Variants in PAK2 observed in about 807,000 individuals in gnomAD.
PAK2 encodes serine/threonine-protein kinase PAK 2.
PAK2 carries 21 observed loss-of-function variants against 65.9 expected under a neutral mutation model. The observed-to-expected ratio is 0.32, with a 90% confidence interval of 0.23 to 0.46. The LOEUF (loss-of-function observed/expected upper bound fraction) is 0.46. Among genes scored for constraint, PAK2 ranks in the 20% least tolerant of loss-of-function variants. PAK2 has a pLI of 1.00. For synonymous variants in PAK2, 204 were observed against 219.7 expected, an observed-to-expected ratio of 0.93 and a Z score of 0.63; for missense variants, 324 against 642.6, an observed-to-expected ratio of 0.50 and a Z score of 5.36.
At chr3:196,825,502 G>A (rs867959522) in intron 13 of PAK2, among the ~76,000 whole-genome samples, 1 of 151,868 alleles carries the variant, frequency 6.6e-6, no homozygotes, top group Non-Finnish European at 1.5e-5. Flanking sequence ...AATTAGCCGG[G>A]CATTTTGGCG....
intron 2 of PAK2, among the ~76,000 whole-genome samples, chr3:196,796,772 C>T (rs1715272105): frequency 6.6e-6 from 1 of 152,052 alleles, no homozygotes. Context: ...TTAAAAGAAA[C>T]CTGGACTGGC....
At chr3:196,765,911 T>C (rs1366407308) in intron 1 of PAK2, among the ~76,000 whole-genome samples, 2 of 151,994 alleles carry the variant, frequency 1.3e-5, no homozygotes, top group East Asian at 3.8e-4. Flanking sequence ...TTCTTTTTTT[T>C]TTTTTTTAGA....
intron 1 of PAK2, among the ~76,000 whole-genome samples, chr3:196,762,462 A>G (rs1714011663): frequency 6.7e-6 from 1 of 149,512 alleles, no homozygotes; most frequent in African/African-American, 2.5e-5. Context: ...CGGGAGGCCG[A>G]GGCTGGCGGA....
intron 1 of PAK2, among the ~76,000 whole-genome samples, chr3:196,779,000 GC>G (rs1387793112): frequency 6.6e-6 from 1 of 152,080 alleles, no homozygotes; most frequent in Non-Finnish European, 1.5e-5. Context: ...GGTTAATAAG[GC>G]ATGTTTGCCA....
chr3:196,804,064 C>T, intron 4 of PAK2, among the ~76,000 whole-genome samples: 1 of 152,058 alleles, frequency 6.6e-6, no homozygotes, highest in Non-Finnish European at 1.5e-5. Flanking sequence ...GTCCTGTTTC[C>T]CTCAGTTTAG....
At chr3:196,809,699 G>C (rs947701432) in intron 7 of PAK2, among the ~76,000 whole-genome samples, 5 of 149,550 alleles carry the variant, frequency 3.3e-5, no homozygotes, top group African/African-American at 1.2e-4. Context: ...TCATCATTTA[G>C]TTGTGACCTT....
At chr3:196,809,466 C>A (rs1258990936) in intron 7 of PAK2, among the ~76,000 whole-genome samples, 1 of 146,784 alleles carries the variant, frequency 6.8e-6, no homozygotes, top group South Asian at 2.2e-4. Context: ...GCCTCAGCCT[C>A]CCGAGTAGCT....
intron 1 of PAK2, among the ~76,000 whole-genome samples, chr3:196,760,006 C>T (rs1713909450): frequency 1.3e-5 from 2 of 152,146 alleles, no homozygotes; most frequent in African/African-American, 2.4e-5. Flanking sequence ...TGGAATGATA[C>T]AATATGTGGT....
intron 1 of PAK2, among the ~76,000 whole-genome samples, chr3:196,767,347 T>C (rs1476738958): frequency 2.0e-5 from 3 of 152,210 alleles, no homozygotes; most frequent in South Asian, 4.1e-4. Context: ...CACTGTGTTA[T>C]ATTGCTTTCC....
chr3:196,826,468 G>A (rs771046687), intron 13 of PAK2, among the ~76,000 whole-genome samples: 20 of 151,790 alleles, frequency 1.3e-4, no homozygotes, highest in Non-Finnish European at 1.8e-4. Context: ...CACCATGCCC[G>A]GCCTTGGTTT....
intron 13 of PAK2, among the ~76,000 whole-genome samples, chr3:196,823,581 T>C (rs935721070): frequency 6.6e-6 from 1 of 151,654 alleles, no homozygotes; most frequent in Admixed American, 6.6e-5. Flanking sequence ...AAAAAACACC[T>C]TGGGCCGGGC....
In PAK2 at chr3:196,828,309, T is replaced by C; in HGVS notation, c.1489-10T>C. 1 of 1,560,384 alleles carries C rather than the reference T, an allele frequency of 6.4e-7. No individual in the cohort carries two copies. The highest frequency in any genetic ancestry group is 2.2e-5 in the East Asian group (1 of 44,566). On this transcript the variant is annotated splice_polypyrimidine_tract_variant and intron_variant, in intron 14 of 14. Transcript: ENST00000327134. ...ACTTATACATTTATTTTTCCCCTTC[T>C]TTCTGGCAGCATCCTTTCCTGAAAC... is the stretch of plus-strand genomic sequence containing the variant.
chr3:196,756,557 G>A (rs1222846257), intron 1 of PAK2, among the ~76,000 whole-genome samples: 1 of 152,126 alleles, frequency 6.6e-6, no homozygotes. Flanking sequence ...AAATGCTTGG[G>A]CTGGGCGTGG....
At chr3:196,780,459 C>T (rs1264468934) in intron 1 of PAK2, among the ~76,000 whole-genome samples, 1 of 152,190 alleles carries the variant, frequency 6.6e-6, no homozygotes, top group Non-Finnish European at 1.5e-5. Context: ...CAGGGAAACA[C>T]TTCTTTTTAA....
chr3:196,806,474 T>A, intron 5 of PAK2, 105 bp from the exon 6 acceptor site: 2 of 681,066 alleles, frequency 2.9e-6, no homozygotes, highest in East Asian at 5.2e-5. Context: ...GGTTTTGAAA[T>A]GAGCTATCAA....
At chr3:196,761,227 G>A (rs1713952247) in intron 1 of PAK2, among the ~76,000 whole-genome samples, 1 of 127,096 alleles carries the variant, frequency 7.9e-6, no homozygotes, top group South Asian at 2.9e-4. Context: ...AGGGTCATGG[G>A]ACAATAGTGG....
chr3:196,815,428 A>ATT (rs1715983912), intron 11 of PAK2, among the ~76,000 whole-genome samples: 1 of 147,772 alleles, frequency 6.8e-6, no homozygotes, highest in East Asian at 2.1e-4. Context: ...GGAGGCAGAC[A>ATT]TTGCAGTGAG....
chr3:196,756,392 C>T (rs534555897), intron 1 of PAK2, among the ~76,000 whole-genome samples: 34 of 152,270 alleles, frequency 2.2e-4, no homozygotes, highest in Middle Eastern at 3.4e-3. Flanking sequence ...AACAGGAGCT[C>T]CGGGTCCCCC....
At chr3:196,751,281 G>A (rs1190450700) in intron 1 of PAK2, among the ~76,000 whole-genome samples, 1 of 152,064 alleles carries the variant, frequency 6.6e-6, no homozygotes. Context: ...CTTTCTGAGT[G>A]CTGACATGAC....
Sources: allele counts gnomAD v4.1 joint callset (sites outside exome capture counted in the v4.1 genomes callset), GRCh38; gene constraint gnomAD v4.1.1; transcripts MANE v1.5; gene names NCBI Gene and HGNC (gene_info 2026-07-23, HGNC 2026-07-21).